Variants in DTNA observed in about 807,000 individuals in gnomAD.
DTNA encodes the protein dystrobrevin alpha, also known as dystrophin-related protein 3.
DTNA carries 43 observed loss-of-function variants against 100.7 expected under a neutral mutation model. That is an observed-to-expected ratio of 0.43 (90% confidence interval 0.33 to 0.55). The LOEUF (loss-of-function observed/expected upper bound fraction) is 0.55, where lower values mean the gene tolerates loss of function less well. Ranked by LOEUF, DTNA falls within the 20% of genes least tolerant of loss-of-function variation. DTNA has a pLI of 0.04. For synonymous variants in DTNA, 349 were observed against 347.9 expected, an observed-to-expected ratio of 1.00 and a Z score of -0.04; for missense variants, 798 against 953.9, an observed-to-expected ratio of 0.84 and a Z score of 2.15.
chr18:34,863,845 TA>T, intron 16 of DTNA, 120 bp from the exon 17 acceptor site: 2 of 902,162 alleles, frequency 2.2e-6, no homozygotes, highest in African/African-American at 1.6e-5. Context: ...CCCTGCCTGG[TA>T]ACCTTGTCAG....
intron 1 of DTNA, among the ~76,000 whole-genome samples, chr18:34,631,036 G>T (rs977791053): frequency 3.3e-5 from 5 of 152,134 alleles, no homozygotes; most frequent in African/African-American, 1.2e-4. Context: ...GCCAGAGAAG[G>T]AAGTAATGGT....
chr18:34,550,538 A>G (rs1422436164), intron 1 of DTNA, among the ~76,000 whole-genome samples: 7 of 152,164 alleles, frequency 4.6e-5, no homozygotes. Flanking sequence ...AAAATTGCCT[A>G]GTTAAATTCT....
At chr18:34,628,601 T>A (rs958417391) in intron 1 of DTNA, among the ~76,000 whole-genome samples, 2 of 152,234 alleles carry the variant, frequency 1.3e-5, no homozygotes, top group African/African-American at 4.8e-5. Context: ...AGAGAACTTC[T>A]AGTAACCTTC....
At chr18:34,621,784 A>G (rs910618368) in intron 1 of DTNA, among the ~76,000 whole-genome samples, 1 of 152,232 alleles carries the variant, frequency 6.6e-6, no homozygotes, top group African/African-American at 2.4e-5. Context: ...AATGTATTTT[A>G]TTCTTGAAAA....
intron 4 of DTNA, among the ~76,000 whole-genome samples, chr18:34,798,796 A>G (rs984330544): frequency 2.6e-5 from 4 of 152,202 alleles, no homozygotes; most frequent in Non-Finnish European, 5.9e-5. Context: ...CTATATGTCA[A>G]TAGTCTTACT....
intron 22 of DTNA, among the ~76,000 whole-genome samples, chr18:34,886,076 T>C (rs2096918973): frequency 6.6e-6 from 1 of 152,238 alleles, no homozygotes. Flanking sequence ...ATCCCATAAG[T>C]CTGTACTGCA....
intron 16 of DTNA, among the ~76,000 whole-genome samples, chr18:34,863,202 C>A (rs1448067009): frequency 6.6e-6 from 1 of 152,202 alleles, no homozygotes; most frequent in Non-Finnish European, 1.5e-5. Context: ...CATACTGTTT[C>A]ATTTCTTTCC....
chr18:34,768,343 G>A (rs1159185312), intron 3 of DTNA, among the ~76,000 whole-genome samples: 7 of 151,970 alleles, frequency 4.6e-5, no homozygotes, highest in Non-Finnish European at 8.8e-5. Context: ...ACAAAGAAAA[G>A]AAAGAAAGGA....
chr18:34,561,274 A>G (rs2046611510), intron 1 of DTNA, among the ~76,000 whole-genome samples: 1 of 152,188 alleles, frequency 6.6e-6, no homozygotes, highest in African/African-American at 2.4e-5. Flanking sequence ...TCTTCCTAAC[A>G]TTTTAAAGAA....
chr18:34,787,745 T>TC (rs771283760), intron 3 of DTNA, among the ~76,000 whole-genome samples: 15 of 151,956 alleles, frequency 9.9e-5, no homozygotes, highest in Non-Finnish European at 1.8e-4. Context: ...TCTGCAACTC[T>TC]CCCCCCAACA....
At chr18:34,870,735 C>T (rs1486802738) in intron 17 of DTNA, among the ~76,000 whole-genome samples, 1 of 152,096 alleles carries the variant, frequency 6.6e-6, no homozygotes, top group Non-Finnish European at 1.5e-5. Context: ...ATGGCCTTCC[C>T]ACCCTCTCCA....
rs111495894 is a variant in DTNA, at chr18:34,692,254, G to A, written c.-1-63722G>A. On this transcript the variant is annotated intron_variant, in intron 1 of 19. Coordinates refer to the DTNA transcript ENST00000283365. ...CCATTAGAAGTAAAAGAAGAGCTCC[G>A]TTCTGGGGAAGGAAACCTCACAGAG... is the stretch of plus-strand genomic sequence containing the variant. Among the ~76,000 whole-genome samples the A allele has an allele frequency of 7.2e-5, 11 of 152,296 alleles. No individual in the cohort carries two copies. The East Asian group carries it at 1.7e-3, about 24-fold the overall frequency.
chr18:34,523,780 C>T (rs2042358270), intron 1 of DTNA, among the ~76,000 whole-genome samples: 1 of 152,118 alleles, frequency 6.6e-6, no homozygotes, highest in East Asian at 1.9e-4. Flanking sequence ...AATTCGAAGG[C>T]TATTTTATAA....
chr18:34,861,512 A>G (rs1340376181), intron 16 of DTNA, among the ~76,000 whole-genome samples: 1 of 145,516 alleles, frequency 6.9e-6, no homozygotes, highest in Non-Finnish European at 1.5e-5. Context: ...AAAAAAAAAA[A>G]AAGAAAGTAG....
Position 34,846,835 on chromosome 18 carries a change from A to G in DTNA, c.1347-1461A>G, listed in dbSNP as rs2096388041. 1.3e-5 allele frequency among the ~76,000 whole-genome samples: 2 copies of G among 152,254 alleles called. 1 individual carries two copies. The highest frequency in any genetic ancestry group is 2.9e-5 in the Non-Finnish European group (2 of 68,034). ...GTTTACTCTATTTGTAAATGTACATATAATAGTATGTTACTTTATATGGAT... is the reference window on the plus strand; with the variant it reads ...GTTTACTCTATTTGTAAATGTACATGTAATAGTATGTTACTTTATATGGAT... On this transcript the variant is annotated intron_variant, in intron 13 of 22. Coordinates refer to ENST00000444659, the MANE Select transcript of DTNA (RefSeq NM_001386795.1).
intron 10 of DTNA, 97 bp from the exon 11 acceptor site, chr18:34,829,303 C>A: frequency 6.6e-7 from 1 of 1,523,270 alleles, no homozygotes; most frequent in Non-Finnish European, 8.8e-7. Context: ...GGGTGCTGTT[C>A]AATAAAGCTG....
rs9956957 is a variant in DTNA, at chr18:34,853,008, T to G, written c.1532+1080T>G. Among the ~76,000 whole-genome samples the G allele has an allele frequency of 5.8e-3, 877 of 152,254 alleles. 7 individuals are homozygous for G. The highest frequency in any genetic ancestry group is 0.02 in the African/African-American group (833 of 41,538). ...GTTCTTTGAGAACAGAGGCCATGGC[T>G]AAATGGTCCCTGGAGCCCAGAACCA... On this transcript the variant is annotated intron_variant, in intron 15 of 22. Coordinates refer to ENST00000444659, the MANE Select transcript of DTNA (RefSeq NM_001386795.1).
intron 1 of DTNA, among the ~76,000 whole-genome samples, chr18:34,674,171 C>T (rs1354449739): frequency 6.6e-6 from 1 of 152,212 alleles, no homozygotes; most frequent in Non-Finnish European, 1.5e-5. Flanking sequence ...CTCAAAGGCA[C>T]TTTCCTTGGG....
intron 1 of DTNA, among the ~76,000 whole-genome samples, chr18:34,585,124 C>A (rs560112707): frequency 6.6e-6 from 1 of 152,184 alleles, no homozygotes; most frequent in Non-Finnish European, 1.5e-5. Flanking sequence ...CCCACCCACC[C>A]ATGAGGGAGT....
Sources: gnomAD v4.1 joint callset for allele counts (sites outside exome capture counted in the v4.1 genomes callset) on GRCh38, gnomAD v4.1.1 for gene constraint, MANE v1.5 for transcripts, NCBI Gene and HGNC (gene_info 2026-07-23, HGNC 2026-07-21) for gene names.